The following COBL variants were observed in gnomAD, a reference collection of about 807,000 sequenced individuals.
The protein encoded by COBL is protein cordon-bleu.
Under a neutral mutation model 98.8 loss-of-function variants are expected in COBL, and 51 were observed. The observed-to-expected ratio is 0.52, with a 90% confidence interval of 0.41 to 0.65. COBL has a LOEUF of 0.65. Ranked by LOEUF, COBL falls within the 30% of genes least tolerant of loss-of-function variation. COBL has a pLI of 0.00. For synonymous variants in COBL, 634 were observed against 651.7 expected (o/e 0.97, Z 0.41); for missense variants, 1,617 against 1,617.5 (o/e 1.00, Z 0.01).
chr7:51,216,205 A>C (rs1197706403), intron 2 of COBL, among the ~76,000 whole-genome samples: 1 of 152,036 alleles, frequency 6.6e-6, no homozygotes, highest in Non-Finnish European at 1.5e-5. Context: ...TTTTTGACGG[A>C]GTCTCAACTC....
At chr7:51,018,152 T>C (rs2128854427) in intron 12 of COBL, among the ~76,000 whole-genome samples, 1 of 152,140 alleles carries the variant, frequency 6.6e-6, no homozygotes, top group East Asian at 1.9e-4. Context: ...TGGTTAATTG[T>C]GGTGGTGGTG....
chr7:51,185,907 T>C (rs1420379085), intron 4 of COBL, among the ~76,000 whole-genome samples: 1 of 152,234 alleles, frequency 6.6e-6, no homozygotes, highest in Non-Finnish European at 1.5e-5. Context: ...TATCACGCTG[T>C]AGGAGCAAAG....
intron 1 of COBL, among the ~76,000 whole-genome samples, chr7:51,296,475 GT>G (rs1263975512): frequency 6.6e-6 from 1 of 151,610 alleles, no homozygotes; most frequent in African/African-American, 2.4e-5. Flanking sequence ...CTATTCTTTT[GT>G]TTTTGGTTTT....
At chr7:51,182,666 G>T (rs1334688493) in intron 5 of COBL, among the ~76,000 whole-genome samples, 1 of 151,660 alleles carries the variant, frequency 6.6e-6, no homozygotes. Flanking sequence ...GGGAAGAGAG[G>T]GGGAGAGGAA....
At chr7:51,135,625 C>G (rs957252447) in intron 6 of COBL, among the ~76,000 whole-genome samples, 4 of 152,030 alleles carry the variant, frequency 2.6e-5, no homozygotes, top group African/African-American at 9.7e-5. Flanking sequence ...ATTTTGAGAG[C>G]AAATGAGCAA....
At chr7:51,208,069 C>A (rs1791953584) in intron 2 of COBL, among the ~76,000 whole-genome samples, 1 of 151,360 alleles carries the variant, frequency 6.6e-6, no homozygotes, top group South Asian at 2.1e-4. Flanking sequence ...GTGGGGAGCG[C>A]CTCTGCCCCG....
intron 7 of COBL, among the ~76,000 whole-genome samples, chr7:51,050,831 T>C (rs1432840680): frequency 6.6e-6 from 1 of 152,194 alleles, no homozygotes; most frequent in African/African-American, 2.4e-5. Flanking sequence ...AACCCAATTA[T>C]GCATAACTGG....
chr7:51,065,150 A>T (rs1791776857), intron 7 of COBL: 1 of 700,994 alleles, frequency 1.4e-6, no homozygotes, highest in Non-Finnish European at 2.6e-6. Context: ...CTGATTAGGG[A>T]TTGTCTCCCA....
chr7:51,130,682 G>T (rs995616197), intron 6 of COBL, among the ~76,000 whole-genome samples: 1 of 152,156 alleles, frequency 6.6e-6, no homozygotes, highest in African/African-American at 2.4e-5. Flanking sequence ...TCCTCTCTGC[G>T]GAACAGGATC....
At chr7:51,253,106 C>G (rs1383927848) in intron 1 of COBL, among the ~76,000 whole-genome samples, 1 of 152,052 alleles carries the variant, frequency 6.6e-6, no homozygotes, top group East Asian at 1.9e-4. Context: ...CACCTGTGAT[C>G]CCAGCTACTC....
Position 51,028,647 on chromosome 7 carries a change from G to A in COBL, c.2449C>T (p.Gln817Ter). 6.2e-7 allele frequency: 1 copy of A among 1,613,164 alleles called. No homozygotes were observed. The stretch of plus-strand genomic sequence containing the variant: ...CCCTCATGGTGGGCAGACTTCTGCT[G>A]GGGCGATATTGGCTTGGGGTCTGCT... ...LQADPKPISP[Q>*]QKSAHHEGRN... The change falls in exon 10 of 13, where the codon CAG (glutamine) becomes TAG (stop). Residue 817 changes from glutamine to a stop codon, truncating the protein, a stop_gained. Coordinates refer to ENST00000265136, the MANE Select transcript of COBL (RefSeq NM_015198.5). LOFTEE classifies it high-confidence loss of function.
intron 1 of COBL, among the ~76,000 whole-genome samples, chr7:51,309,741 G>A (rs113166128): frequency 1.1e-4 from 17 of 152,342 alleles, no homozygotes; most frequent in African/African-American, 3.8e-4. Flanking sequence ...AGCAGGGGTT[G>A]TTCTGTGCAT....
intron 7 of COBL, among the ~76,000 whole-genome samples, chr7:51,078,980 C>CACTAAA (rs1793367637): frequency 6.6e-6 from 1 of 152,206 alleles, no homozygotes; most frequent in African/African-American, 2.4e-5. Context: ...CAGTCCTTTT[C>CACTAAA]AACCCTAATC....
chr7:51,130,247 C>T (rs182650915), intron 6 of COBL, among the ~76,000 whole-genome samples: 37 of 152,300 alleles, frequency 2.4e-4, no homozygotes, highest in African/African-American at 8.9e-4. Context: ...CGACCTGAGT[C>T]CTTCCTTCCG....
In COBL at chr7:51,025,359, G is replaced by GCAC; in HGVS notation, c.3517_3518insGTG (p.Ser1172_Ala1173insGly). 6.2e-7 allele frequency: 1 copy of GCAC among 1,613,308 alleles called. No individual in the cohort carries two copies. ...TCGGAAGCTCTGGAGCTCCTCAGAA[G>GCAC]CAGAGGATGCCACCTGGCAATGAGA... On this transcript the variant is annotated inframe_insertion, in exon 12 of 13. Transcript: ENST00000265136.
chr7:51,304,859 G>C lies in COBL; in HGVS notation c.41+11734C>G, dbSNP rs560183309. 1.2e-4 allele frequency among the ~76,000 whole-genome samples: 19 copies of C among 152,318 alleles called. No individual in the cohort carries two copies. The South Asian group carries it at 3.7e-3, about 30-fold the overall frequency. ...TCTCCGCCTTAGTCATGAGGGATGAGGAGGCTAAACAGTCCCTCGAAGTGA... is the reference window on the plus strand; with the variant it reads ...TCTCCGCCTTAGTCATGAGGGATGACGAGGCTAAACAGTCCCTCGAAGTGA... On this transcript the variant is annotated intron_variant, in intron 1 of 12. Transcript: ENST00000265136.
chr7:51,289,277 C>G (rs1408114891), intron 1 of COBL, among the ~76,000 whole-genome samples: 1 of 152,238 alleles, frequency 6.6e-6, no homozygotes, highest in Non-Finnish European at 1.5e-5. Flanking sequence ...GTCCTTCCCT[C>G]TCTGTGTTCT....
chr7:51,067,250 C>T (rs905906087), intron 7 of COBL, among the ~76,000 whole-genome samples: 7 of 152,188 alleles, frequency 4.6e-5, no homozygotes, highest in African/African-American at 9.7e-5. Context: ...AGTGCACGCA[C>T]GTGTTATGTA....
intron 6 of COBL, among the ~76,000 whole-genome samples, chr7:51,106,200 C>CAAAAA (rs61220710): frequency 6.8e-5 from 7 of 102,828 alleles, no homozygotes; most frequent in Non-Finnish European, 1.2e-4. Flanking sequence ...CGAGATGTCT[C>CAAAAA]AAAAAAAAAA....
Sources: allele counts gnomAD v4.1 joint callset (sites outside exome capture counted in the v4.1 genomes callset), GRCh38; gene constraint gnomAD v4.1.1; transcripts MANE v1.5; gene names NCBI Gene and HGNC (gene_info 2026-07-23, HGNC 2026-07-21).